Variants in RPS6KC1 observed in about 807,000 individuals in gnomAD.
The protein encoded by RPS6KC1 is ribosomal protein S6 kinase C1, also known as inactive ribosomal protein S6 kinase delta-1.
In RPS6KC1, 54 loss-of-function variants were observed where a neutral mutation model predicts 103.8. The ratio of observed to expected loss-of-function variants is 0.52; its 90% CI spans 0.42 to 0.65. RPS6KC1 has a LOEUF of 0.65. Ranked by LOEUF, RPS6KC1 falls within the 30% of genes least tolerant of loss-of-function variation. RPS6KC1 has a pLI of 0.00. For synonymous variants in RPS6KC1, 439 were observed against 438.7 expected, an observed-to-expected ratio of 1.00 and a Z score of -0.01; for missense variants, 1,151 against 1,253.8, an observed-to-expected ratio of 0.92 and a Z score of 1.24.
chr1:213,602,136 T>TTCTTTC, the RPS6KC1 span, among the ~76,000 whole-genome samples: 7 of 73,452 alleles, frequency 9.5e-5, no homozygotes, highest in East Asian at 3.2e-4. Flanking sequence ...CTTTCTTTCT[T>TTCTTTC]TCTTTCTTTC....
the RPS6KC1 span, among the ~76,000 whole-genome samples, chr1:213,439,828 G>A: frequency 1.3e-5 from 2 of 151,332 alleles, no homozygotes; most frequent in African/African-American, 4.9e-5. Context: ...AGTGAGAGAG[G>A]CAGAGATGGA....
intron 5 of RPS6KC1, among the ~76,000 whole-genome samples, chr1:213,125,560 T>C (rs1244426269): frequency 6.6e-6 from 1 of 151,894 alleles, no homozygotes; most frequent in Non-Finnish European, 1.5e-5. Context: ...AAGGTTAAAG[T>C]AGATGTCTTT....
At chr1:213,216,449 T>C (rs1366253503) in intron 8 of RPS6KC1, among the ~76,000 whole-genome samples, 1 of 152,040 alleles carries the variant, frequency 6.6e-6, no homozygotes, top group Non-Finnish European at 1.5e-5. Flanking sequence ...ACTGTCAACA[T>C]TAGACAGATC....
At chr1:213,380,805 AT>A in the RPS6KC1 span, among the ~76,000 whole-genome samples, 2 of 152,160 alleles carry the variant, frequency 1.3e-5, no homozygotes, top group Admixed American at 6.5e-5. Flanking sequence ...TATTTCCGCC[AT>A]CCGCAGCTCA....
the RPS6KC1 span, among the ~76,000 whole-genome samples, chr1:213,394,996 T>C: frequency 6.6e-6 from 1 of 152,222 alleles, no homozygotes; most frequent in African/African-American, 2.4e-5. Context: ...AACAGCTCTG[T>C]TCTTCCCAGT....
chr1:213,430,179 A>G, the RPS6KC1 span, among the ~76,000 whole-genome samples: 5 of 152,172 alleles, frequency 3.3e-5, no homozygotes, highest in African/African-American at 9.7e-5. Context: ...ACTTGGAGGA[A>G]GTTCTAATAC....
the RPS6KC1 span, among the ~76,000 whole-genome samples, chr1:213,767,558 A>T: frequency 1.3e-5 from 2 of 151,734 alleles, no homozygotes; most frequent in South Asian, 4.1e-4. Flanking sequence ...TCTGTTCAAT[A>T]TCTCTCTCTG....
chr1:213,071,476 A>G (rs1322181994), intron 2 of RPS6KC1, among the ~76,000 whole-genome samples: 1 of 152,160 alleles, frequency 6.6e-6, no homozygotes, highest in Admixed American at 6.5e-5. Context: ...TTCATTTCAC[A>G]AAACAGTAGC....
At chr1:213,741,501 C>T in the RPS6KC1 span, among the ~76,000 whole-genome samples, 3 of 150,322 alleles carry the variant, frequency 2.0e-5, no homozygotes, top group Non-Finnish European at 3.0e-5. Flanking sequence ...TGAGAAAATG[C>T]GTGCTTGATG....
the RPS6KC1 span, among the ~76,000 whole-genome samples, chr1:213,322,312 A>G: frequency 6.6e-6 from 1 of 152,138 alleles, no homozygotes; most frequent in South Asian, 2.1e-4. Flanking sequence ...AAAAATTATG[A>G]GGGCTAGGTC....
the RPS6KC1 span, among the ~76,000 whole-genome samples, chr1:213,350,353 G>T: frequency 6.6e-6 from 1 of 152,172 alleles, no homozygotes; most frequent in African/African-American, 2.4e-5. Context: ...AAATCAGAAT[G>T]CTTCTGTGCA....
the RPS6KC1 span, among the ~76,000 whole-genome samples, chr1:213,718,408 A>G: frequency 6.6e-6 from 1 of 152,170 alleles, no homozygotes; most frequent in Admixed American, 6.5e-5. Flanking sequence ...GAGCCCTATG[A>G]GGTTGAGTTA....
chr1:213,734,195 C>G, the RPS6KC1 span, among the ~76,000 whole-genome samples: 2 of 152,176 alleles, frequency 1.3e-5, no homozygotes, highest in African/African-American at 4.8e-5. Context: ...AGCCCAGATC[C>G]TTTTCTTAGG....
At position 213,242,624 on chromosome 1, in the gene RPS6KC1, C is replaced by G; in HGVS notation, c.2877C>G (p.Asp959Glu). 1 of 1,611,444 alleles carries G rather than the reference C, an allele frequency of 6.2e-7. No individual in the cohort carries two copies. The highest frequency in any genetic ancestry group is 8.5e-7 in the Non-Finnish European group (1 of 1,178,584). Residue 959 changes from aspartate (D) to glutamate (E), a missense_variant, in exon 12 of 15, where the codon GAC (aspartate) becomes GAG (glutamate). This residue lies in a region of RPS6KC1 where 189 missense variants were observed against 228.8 expected (regional missense o/e 0.83). Coordinates refer to ENST00000366960, the MANE Select transcript of RPS6KC1 (RefSeq NM_012424.6). ...GGAGTGAGGTTGAAGATTCCTGTGA[C>G]AGCGATGCCATAGAGAGAATGTACT... The part of the protein sequence containing the change: ...SRWSEVEDSC[D>E]SDAIERMYCA...
chr1:213,425,033 C>T, the RPS6KC1 span, among the ~76,000 whole-genome samples: 3 of 152,136 alleles, frequency 2.0e-5, no homozygotes, highest in Admixed American at 2.0e-4. Context: ...CAGCAACTCA[C>T]CAGGGCCACG....
At chr1:213,661,506 G>C in the RPS6KC1 span, among the ~76,000 whole-genome samples, 1 of 152,136 alleles carries the variant, frequency 6.6e-6, no homozygotes, top group Admixed American at 6.5e-5. Context: ...CACCCCAAGG[G>C]GATTTCTTTA....
At chr1:213,834,956 G>A in the RPS6KC1 span, among the ~76,000 whole-genome samples, 2 of 152,080 alleles carry the variant, frequency 1.3e-5, no homozygotes, top group African/African-American at 4.8e-5. Context: ...GGGAGGTGGG[G>A]GAGAGGGAAA....
At chr1:213,405,795 G>A in the RPS6KC1 span, among the ~76,000 whole-genome samples, 1 of 152,194 alleles carries the variant, frequency 6.6e-6, no homozygotes, top group African/African-American at 2.4e-5. Flanking sequence ...GTATAAGAGC[G>A]TGTATCCAGA....
chr1:213,657,020 C>T, the RPS6KC1 span, among the ~76,000 whole-genome samples: 4 of 151,988 alleles, frequency 2.6e-5, no homozygotes, highest in Admixed American at 2.0e-4. Context: ...CAGGTGAAAC[C>T]GTGTGGGCTG....
Sources: gnomAD v4.1 joint callset for allele counts (sites outside exome capture counted in the v4.1 genomes callset) on GRCh38, gnomAD v4.1.1 for gene constraint, gnomAD v4.1.1 regional missense constraint, MANE v1.5 for transcripts, NCBI Gene and HGNC (gene_info 2026-07-23, HGNC 2026-07-21) for gene names.